Variants in ADGRB1 observed in about 807,000 individuals in gnomAD.
ADGRB1 encodes brain-specific angiogenesis inhibitor 1.
ADGRB1 carries 36 observed loss-of-function variants against 175.7 expected under a neutral mutation model. That is an observed-to-expected ratio of 0.20 (90% CI 0.16 to 0.27). ADGRB1 has a LOEUF of 0.27. Among genes scored for constraint, ADGRB1 ranks in the 10% least tolerant of loss-of-function variants. The pLI is 1.00. For synonymous variants in ADGRB1, 1,054 were observed against 979.4 expected (o/e 1.08, Z -1.42); for missense variants, 1,731 against 2,255.3 (o/e 0.77, Z 4.71).
At position 142,543,401 on chromosome 8, in the gene ADGRB1, A is replaced by G. The variant is rs1399155707; in HGVS notation, c.4414-2A>G. On this transcript the variant is annotated splice_acceptor_variant, in intron 28 of 30. Transcript: ENST00000517894. LOFTEE classifies it high-confidence loss of function. The surrounding 1 kb of genome is among the most constrained non-coding windows in gnomAD (Gnocchi z 4.4). ...ATGTTCGCAAACCCCTTCTCCCTGC[A>G]GCGGCGGAAGTCGCGGTATGCAGAA... 6.2e-7 allele frequency: 1 copy of G among 1,613,776 alleles called. No homozygotes were observed.
intron 9 of ADGRB1, 150 bp downstream of exon 9, chr8:142,479,944 C>T: frequency 2.5e-6 from 2 of 806,442 alleles, no homozygotes; most frequent in Non-Finnish European, 3.8e-6. Flanking sequence ...GGGCCGCGAG[C>T]CCAGGGCACC....
intron 18 of ADGRB1, among the ~76,000 whole-genome samples, chr8:142,513,679 T>C (rs1403566637): frequency 6.6e-6 from 1 of 152,104 alleles, no homozygotes; most frequent in African/African-American, 2.4e-5. Flanking sequence ...CACAGCCTTC[T>C]CCCCTCCTGA....
intron 10 of ADGRB1, 31 bp downstream of exon 10, chr8:142,481,391 C>T (rs1222690232): frequency 1.2e-5 from 19 of 1,609,750 alleles, no homozygotes; most frequent in African/African-American, 2.7e-5. Flanking sequence ...GTCTCCAACC[C>T]CTCCCCAATC....
Position 142,464,571 on chromosome 8 carries a change from C to T in ADGRB1, c.373C>T (p.Arg125Trp), listed in dbSNP as rs758435130. Residue 125 changes from arginine (R) to tryptophan (W), a missense_variant, in exon 2 of 31, where the codon CGG becomes TGG. Around this residue, in one of 8 missense-constraint regions of ADGRB1, gnomAD observed 383 missense variants for 383.1 expected, o/e 1.00. Transcript: ENST00000517894. ...LGVESFDEVL[R>W]LCDPSAPLAF... is the part of the protein sequence containing the mutation. ...CGTGGAGAGCTTCGACGAGGTGCTG[C>T]GGCTCTGCGACCCCTCCGCACCCCT... 2 of 1,541,686 alleles carry T rather than the reference C, an allele frequency of 1.3e-6. No individual in the cohort carries two copies. The highest frequency in any genetic ancestry group is 1.9e-5 in the Admixed American group (1 of 51,586).
Position 142,537,741 on chromosome 8 carries a change from G to T in ADGRB1, c.3666+659G>T, listed in dbSNP as rs1481016420. On this transcript the variant is annotated intron_variant, in intron 26 of 30. Transcript: ENST00000517894. This position sits in a 1 kb window ranked among gnomAD's most constrained non-coding sequence, Gnocchi z 4.6. ...CCTCTTTACAGCACAGCGTTCCCAC[G>T]ACACGCACAGGTCCTGGGAGGGCGG... Among the ~76,000 whole-genome samples the T allele has an allele frequency of 6.6e-6, 1 of 152,098 alleles. No individual in the cohort carries two copies. The highest frequency in any genetic ancestry group is 1.5e-5 in the Non-Finnish European group (1 of 68,006).
rs1843076628 is a variant in ADGRB1, at chr8:142,511,106, C to T, written c.2817+33C>T. On this transcript the variant is annotated intron_variant, in intron 18 of 30. Coordinates refer to ENST00000517894, the MANE Select transcript of ADGRB1 (RefSeq NM_001702.3). The surrounding 1 kb of genome is among the most constrained non-coding windows in gnomAD (Gnocchi z 4.5). ...CCCGGCCGGGCCGGCGGGAGGGGCGCCGGGCAGGGGCGCGGGCGGGGGCTG... is the reference window on the plus strand; with the variant it reads ...CCCGGCCGGGCCGGCGGGAGGGGCGTCGGGCAGGGGCGCGGGCGGGGGCTG... The T allele has an allele frequency of 4.6e-6, 5 of 1,077,378 alleles. No individual in the cohort carries two copies. Among genetic ancestry groups the T allele is most frequent in the Non-Finnish European group, 4.5e-6 (4 of 890,486 alleles). 66.7% of individuals were successfully genotyped at this position (1,077,378 alleles called of 1,614,324 possible).
rs1319120722 is a variant in ADGRB1 at position 142,479,801 on chromosome 8, G to T, written c.1828+7G>T. 6.2e-7 allele frequency: 1 copy of T among 1,609,902 alleles called. No individual in the cohort carries two copies. The highest frequency in any genetic ancestry group is 8.5e-7 in the Non-Finnish European group (1 of 1,177,984). On this transcript the variant is annotated splice_region_variant and intron_variant, in intron 9 of 30. Coordinates refer to ENST00000517894, the MANE Select transcript of ADGRB1 (RefSeq NM_001702.3). ...TGTCCCCGCAACGCCACAGGTGAGG[G>T]CTGGAGAGCACGTGGTGTATGGGGG... is the stretch of plus-strand genomic sequence containing the variant.
intron 21 of ADGRB1, 68 bp from the exon 22 acceptor site, chr8:142,522,572 GC>G: frequency 6.9e-7 from 1 of 1,450,992 alleles, no homozygotes. Context: ...TCACGGCAGG[GC>G]TAGGAGGAGG....
At position 142,543,348 on chromosome 8, in the gene ADGRB1, G is replaced by A; in HGVS notation, c.4414-55G>A. On this transcript the variant is annotated intron_variant, in intron 28 of 30. Coordinates refer to ENST00000517894, the MANE Select transcript of ADGRB1 (RefSeq NM_001702.3). The surrounding 1 kb of genome is among the most constrained non-coding windows in gnomAD (Gnocchi z 4.4). ...TGCCCTCAGTCTGAGGCAGGGAGAG[G>A]CGTGGACTTGTCAGGGACCCTTGGC... The A allele has an allele frequency of 1.9e-6, 3 of 1,608,276 alleles. No individual in the cohort carries two copies. Among genetic ancestry groups the A allele is most frequent in the Non-Finnish European group, 2.5e-6 (3 of 1,176,758 alleles).
At position 142,518,173 on chromosome 8, in the gene ADGRB1, C is replaced by T. The variant is rs1047933258; in HGVS notation, c.2853C>T (p.Leu951=). Residue 951 remains leucine, a synonymous_variant, in exon 19 of 31, where the codon CTC becomes CTT. Coordinates refer to ENST00000517894, the MANE Select transcript of ADGRB1 (RefSeq NM_001702.3). ...MEKATLPSVT[L]IVGCGVSSLT... ...AGGCGACTCTGCCGTCGGTGACGCT[C>T]ATCGTGGGCTGTGGCGTGTCCTCTC... 1 of 1,613,698 alleles carries T rather than the reference C, an allele frequency of 6.2e-7. No individual in the cohort carries two copies. Among genetic ancestry groups the T allele is most frequent in the Non-Finnish European group, 8.5e-7 (1 of 1,179,818 alleles).
chr8:142,490,689 C>A lies in ADGRB1; in HGVS notation c.2632-83C>A, dbSNP rs1388830807. On this transcript the variant is annotated intron_variant, in intron 16 of 30. Coordinates refer to ENST00000517894, the MANE Select transcript of ADGRB1 (RefSeq NM_001702.3). ...ACAGGTAGCATGCCTGGTAGCACACCTTTAGGTGGGTCCCATGGTGACCCG... is the reference window on the plus strand; with the variant it reads ...ACAGGTAGCATGCCTGGTAGCACACATTTAGGTGGGTCCCATGGTGACCCG... 2.0e-6 allele frequency: 3 copies of A among 1,470,350 alleles called. No individual in the cohort carries two copies. The East Asian group carries it at 7.4e-5, about 36-fold the overall frequency. The allele number at this position is 1,470,350 out of a possible 1,614,324, so 91.1% of individuals were successfully genotyped here.
chr8:142,526,511 C>CCCCCCCCCCCCCCCCCA, intron 23 of ADGRB1, 31 bp from the exon 24 acceptor site: 1 of 1,294,836 alleles, frequency 7.7e-7, no homozygotes, highest in Non-Finnish European at 1.1e-6. Flanking sequence ...CGGCCCCCAC[C>CCCCCCCCCCCCCCCCCA]CCCACACCCC....
chr8:142,475,442 G>T, intron 2 of ADGRB1, 32 bp from the exon 3 acceptor site: 2 of 1,278,226 alleles, frequency 1.6e-6, no homozygotes, highest in South Asian at 3.6e-5. Flanking sequence ...CCCCTGCCCT[G>T]CCCTGATCCC....
chr8:142,515,547 G>A (rs955768916), intron 18 of ADGRB1, among the ~76,000 whole-genome samples: 13 of 152,314 alleles, frequency 8.5e-5, no homozygotes, highest in South Asian at 2.1e-4. Context: ...GAGCAGGCGC[G>A]AGACGCTTAC....
chr8:142,479,595 C>T, intron 8 of ADGRB1, 98 bp from the exon 9 acceptor site: 1 of 1,549,424 alleles, frequency 6.5e-7, no homozygotes, highest in Non-Finnish European at 8.7e-7. Flanking sequence ...CCGTCCTGTC[C>T]TCATAATGAT....
Position 142,476,658 on chromosome 8 carries a change from C to T in ADGRB1, c.1020C>T (p.Asp340=), listed in dbSNP as rs1191834355. ...TDARRREELG[D]ELQQFGFPAP... ...CCCGGCGGCGCGAGGAGCTGGGGGA[C>T]GAGCTGCAGCAGTTTGGGTTCCCAG... is the stretch of plus-strand genomic sequence containing the variant. Residue 340 remains aspartate (D), a synonymous_variant, in exon 4 of 31, where the codon GAC becomes GAT. Coordinates refer to ENST00000517894, the MANE Select transcript of ADGRB1 (RefSeq NM_001702.3). The T allele has an allele frequency of 1.9e-6, 3 of 1,547,524 alleles. No homozygotes were observed. Among genetic ancestry groups the T allele is most frequent in the Non-Finnish European group, 2.6e-6 (3 of 1,145,628 alleles).
intron 2 of ADGRB1, among the ~76,000 whole-genome samples, chr8:142,469,416 AGTGTGTGCACGTGTGAATGAGT>A: frequency 8.4e-6 from 1 of 118,848 alleles, no homozygotes; most frequent in Admixed American, 8.4e-5. Context: ...TGTGAATGTG[AGTGTGTGCACGTGTGAATGAGT>A]GTGTGCACGT....
chr8:142,526,503 G>GGCCCCCCCCCCCCCCCCCCCCCCC, intron 23 of ADGRB1, 39 bp from the exon 24 acceptor site: 2 of 1,259,254 alleles, frequency 1.6e-6, no homozygotes, highest in Non-Finnish European at 2.3e-6. Context: ...GCCTACGGCG[G>GGCCCCCCCCCCCCCCCCCCCCCCC]CCCCCACCCC....
intron 3 of ADGRB1, among the ~76,000 whole-genome samples, chr8:142,476,361 G>A (rs1840974427): frequency 6.6e-6 from 1 of 152,162 alleles, no homozygotes; most frequent in Non-Finnish European, 1.5e-5. Flanking sequence ...GGGCGGTGGA[G>A]GCAGTGAGGG....
Sources: gnomAD v4.1 joint callset for allele counts (sites outside exome capture counted in the v4.1 genomes callset) on GRCh38, gnomAD v4.1.1 for gene constraint, gnomAD v4.1.1 regional missense constraint, Gnocchi (gnomAD v3.1) non-coding constraint, MANE v1.5 for transcripts, NCBI Gene and HGNC (gene_info 2026-07-23, HGNC 2026-07-21) for gene names.